The following NIPA1 variants were observed in gnomAD, a reference collection of about 807,000 sequenced individuals.
The protein encoded by NIPA1 is magnesium transporter NIPA1.
A neutral mutation model predicts 23.9 loss-of-function variants in NIPA1; 13 were observed. The ratio of observed to expected loss-of-function variants is 0.54; its 90% confidence interval spans 0.35 to 0.87. The LOEUF is 0.87. NIPA1 is among the 40% of genes least tolerant of loss of function. The pLI, the probability that NIPA1 is intolerant of heterozygous loss-of-function variation, is 0.01. For synonymous variants in NIPA1, 234 were observed against 202.9 expected (o/e 1.15, Z -1.30); for missense variants, 362 against 429.7 (o/e 0.84, Z 1.39).
At position 22,798,038 on chromosome 15, in the gene NIPA1, G is replaced by A. The variant is rs1050698840; in HGVS notation, c.178+11204G>A. 8.6e-5 allele frequency among the ~76,000 whole-genome samples: 13 copies of A among 150,696 alleles called. No homozygotes were observed. The East Asian group carries it at 2.0e-3, about 23-fold the overall frequency. ...TTCTTTTTGTATTTTTAGTAGAGAC[G>A]GGGTTTCACCATGTTAGCCAGGATG... On this transcript the variant is annotated intron_variant, in intron 1 of 4. Coordinates refer to ENST00000337435, the MANE Select transcript of NIPA1 (RefSeq NM_144599.5).
intron 3 of NIPA1, among the ~76,000 whole-genome samples, chr15:22,812,911 G>A (rs977183349): frequency 1.3e-5 from 2 of 152,168 alleles, no homozygotes; most frequent in Non-Finnish European, 2.9e-5. Context: ...AAATGACTGA[G>A]TTGGTGTTTT....
chr15:22,814,183 A>G, intron 3 of NIPA1: 2 of 994,160 alleles, frequency 2.0e-6, no homozygotes, highest in Non-Finnish European at 1.4e-6. Context: ...ACAGAATAAA[A>G]CTAAAATTAA....
chr15:22,786,676 C>A lies in NIPA1; in HGVS notation c.20C>A (p.Ala7Glu). Residue 7 changes from alanine to glutamate, a missense_variant, in exon 1 of 5, where the codon GCA becomes GAA. Around this residue, in one of 2 missense-constraint regions of NIPA1, gnomAD observed 85 missense variants for 57.7 expected, o/e 1.47. Coordinates refer to ENST00000337435, the MANE Select transcript of NIPA1 (RefSeq NM_144599.5). The stretch of plus-strand genomic sequence containing the variant: ...GGCGGAATGGGGACTGCAGCTGCGG[C>A]AGCGGCGGCGGCGGCGGCGGCGGCG... MGTAAA[A>E]AAAAAAAAAG... The A allele has an allele frequency of 9.3e-7, 1 of 1,076,578 alleles. No homozygotes were observed. The allele number at this position is 1,076,578 out of a possible 1,614,324, so 66.7% of individuals were successfully genotyped here. A position where few individuals can be genotyped will look rare whatever the true frequency, so the allele number is the denominator to read the frequency against.
At chr15:22,797,631 G>C (rs1894967821) in intron 1 of NIPA1, among the ~76,000 whole-genome samples, 1 of 150,472 alleles carries the variant, frequency 6.6e-6, no homozygotes, top group Admixed American at 6.7e-5. Flanking sequence ...AGCCTCCCAA[G>C]TAGCTGGGAT....
intron 1 of NIPA1, among the ~76,000 whole-genome samples, chr15:22,791,941 G>A (rs1212796974): frequency 1.3e-5 from 2 of 151,692 alleles, no homozygotes; most frequent in African/African-American, 4.8e-5. Flanking sequence ...CTCGGATGGG[G>A]CCGCCTGCCT....
At chr15:22,808,627 A>G (rs1895260002) in intron 1 of NIPA1, among the ~76,000 whole-genome samples, 1 of 151,966 alleles carries the variant, frequency 6.6e-6, no homozygotes. Flanking sequence ...GTATCCGTTA[A>G]TGATTCTTGC....
rs201015537 is a variant in NIPA1, at chr15:22,792,954, TA to T, written c.178+6127del. On this transcript the variant is annotated intron_variant, in intron 1 of 4. Coordinates refer to ENST00000337435, the MANE Select transcript of NIPA1 (RefSeq NM_144599.5). Reference sequence around the variant, plus strand: ...CGGCAACAAGAGCAAAAACTCCATCTAAAAAAAGAACAAAAAGAATTGGGTT... The same window carrying T: ...CGGCAACAAGAGCAAAAACTCCATCTAAAAAAGAACAAAAAGAATTGGGTT... Among the ~76,000 whole-genome samples, 740 of 151,988 alleles carry T rather than the reference TA, an allele frequency of 4.9e-3. 10 individuals are homozygous for T. The highest frequency in any genetic ancestry group is 0.017 in the African/African-American group (713 of 41,452).
At chr15:22,788,151 C>T (rs951630920) in intron 1 of NIPA1, among the ~76,000 whole-genome samples, 1 of 152,100 alleles carries the variant, frequency 6.6e-6, no homozygotes, top group Non-Finnish European at 1.5e-5. Flanking sequence ...CACCTCACCT[C>T]CCCAATCCAC....
intron 1 of NIPA1, among the ~76,000 whole-genome samples, chr15:22,794,765 G>A (rs572301572): frequency 4.6e-5 from 7 of 152,202 alleles, no homozygotes; most frequent in African/African-American, 1.2e-4. Context: ...GCACGCTCCC[G>A]TCCCTAGGTG....
chr15:22,805,261 T>C (rs892942142), intron 1 of NIPA1, among the ~76,000 whole-genome samples: 6 of 152,184 alleles, frequency 3.9e-5, no homozygotes, highest in Non-Finnish European at 7.3e-5. Context: ...GCAAAAGAAC[T>C]TCAAATATTA....
rs905296655 is a variant in NIPA1 at position 22,788,498 on chromosome 15, C to CAAAAAAAAAAAAAAA, written c.178+1667_178+1681dup. Among the ~76,000 whole-genome samples the CAAAAAAAAAAAAAAA allele has an allele frequency of 2.6e-3, 234 of 89,576 alleles. 22 individuals are homozygous for CAAAAAAAAAAAAAAA. Among genetic ancestry groups the CAAAAAAAAAAAAAAA allele is most frequent in the Non-Finnish European group, 4.5e-3 (192 of 42,786 alleles). 58.8% of individuals were successfully genotyped at this position (89,576 alleles called of 152,430 possible). A position where few individuals can be genotyped will look rare whatever the true frequency, so the allele number is the denominator to read the frequency against. ...TGGGCGGCAGAGCAAGACTCCATCT[C>CAAAAAAAAAAAAAAA]AAAAAAAAAAAAAAAAATCTTGCAG... is the stretch of plus-strand genomic sequence containing the variant. On this transcript the variant is annotated intron_variant, in intron 1 of 4. Coordinates refer to ENST00000337435, the MANE Select transcript of NIPA1 (RefSeq NM_144599.5).
chr15:22,797,847 AT>A (rs33968720), intron 1 of NIPA1, among the ~76,000 whole-genome samples: 8,966 of 133,898 alleles, frequency 0.067, 822 homozygotes, highest in East Asian at 0.43. Context: ...TTCAAAACCG[AT>A]TTTTTTTTTT....
chr15:22,821,492 A>ATCCACACTCGCTGGTTTTCTCG (rs1895537874), intron 4 of NIPA1, among the ~76,000 whole-genome samples: 1 of 143,154 alleles, frequency 7.0e-6, no homozygotes, highest in East Asian at 2.1e-4. Flanking sequence ...TGGTTTTCAT[A>ATCCACACTCGCTGGTTTTCTCG]TCCACACTCG....
intron 4 of NIPA1, among the ~76,000 whole-genome samples, chr15:22,822,861 G>A (rs1895567109): frequency 6.9e-6 from 1 of 145,616 alleles, no homozygotes. Context: ...GAAAAAAAGA[G>A]AATGGTTCCA....
intron 1 of NIPA1, among the ~76,000 whole-genome samples, chr15:22,788,442 A>G (rs892987161): frequency 8.2e-5 from 12 of 146,580 alleles, no homozygotes; most frequent in African/African-American, 3.0e-4. Context: ...CAGAGGTTGC[A>G]GTGAGCCGGG....
chr15:22,814,810 C>G (rs1180635452), intron 3 of NIPA1, among the ~76,000 whole-genome samples: 1 of 152,142 alleles, frequency 6.6e-6, no homozygotes, highest in Non-Finnish European at 1.5e-5. Flanking sequence ...CTCCCCTTAC[C>G]CAGACACACC....
Position 22,829,634 on chromosome 15 carries a change from A to G in NIPA1, c.*5395A>G, listed in dbSNP as rs1448642938. Reference sequence around the variant, plus strand: ...GCTTCCAATTAGCATACATAGACACATGTGTCAGTGGCCAAGACCTGCTTA... The same window carrying G: ...GCTTCCAATTAGCATACATAGACACGTGTGTCAGTGGCCAAGACCTGCTTA... On this transcript the variant is annotated 3_prime_UTR_variant, in exon 5 of 5. Coordinates refer to ENST00000337435, the MANE Select transcript of NIPA1 (RefSeq NM_144599.5). The G allele has an allele frequency of 6.6e-6, 1 of 152,194 alleles. No individual in the cohort carries two copies. Among genetic ancestry groups the G allele is most frequent in the Non-Finnish European group, 1.5e-5 (1 of 68,024 alleles). The allele number at this position is 152,194 out of a possible 1,614,324, so 9.4% of individuals were successfully genotyped here. A position where few individuals can be genotyped will look rare whatever the true frequency, so the allele number is the denominator to read the frequency against.
At chr15:22,799,738 C>T (rs979843851) in intron 1 of NIPA1, among the ~76,000 whole-genome samples, 16 of 150,124 alleles carry the variant, frequency 1.1e-4, no homozygotes, top group Non-Finnish European at 1.2e-4. Flanking sequence ...GCCGAGATCG[C>T]ACCATTGCAC....
chr15:22,794,365 A>T (rs898631430), intron 1 of NIPA1, among the ~76,000 whole-genome samples: 2 of 147,242 alleles, frequency 1.4e-5, no homozygotes, highest in East Asian at 4.1e-4. Flanking sequence ...GAAATATGGG[A>T]GTTGGTGTTT....
Sources: allele counts gnomAD v4.1 joint callset (sites outside exome capture counted in the v4.1 genomes callset), GRCh38; gene constraint gnomAD v4.1.1; regional missense constraint gnomAD v4.1.1; transcripts MANE v1.5; gene names NCBI Gene and HGNC (gene_info 2026-07-23, HGNC 2026-07-21).